CAMTA1: variants seen among roughly 807,000 people sequenced by gnomAD.
CAMTA1 encodes the protein calmodulin binding transcription activator 1.
In CAMTA1, 27 loss-of-function variants were observed where a neutral mutation model predicts 170.9. The observed-to-expected ratio is 0.16, with a 90% CI of 0.12 to 0.22. CAMTA1 has a LOEUF of 0.22. Among genes scored for constraint, CAMTA1 ranks in the 10% least tolerant of loss-of-function variants. The pLI is 1.00. For synonymous variants in CAMTA1, 833 were observed against 891.5 expected, an observed-to-expected ratio of 0.93 and a Z score of 1.17; for missense variants, 1,619 against 2,217.2, an observed-to-expected ratio of 0.73 and a Z score of 5.42.
chr1:7,464,112 AG>A (rs1178761799), intron 5 of CAMTA1, among the ~76,000 whole-genome samples: 1 of 152,174 alleles, frequency 6.6e-6, no homozygotes, highest in African/African-American at 2.4e-5. Flanking sequence ...ACTGATTCAA[AG>A]GTTGCTTTCA....
At chr1:7,320,401 G>A (rs893609565) in intron 5 of CAMTA1, among the ~76,000 whole-genome samples, 1 of 152,164 alleles carries the variant, frequency 6.6e-6, no homozygotes, top group Non-Finnish European at 1.5e-5. Context: ...GAATCAGTTG[G>A]CCATATGCTA....
At chr1:7,493,382 AACAAAC>A (rs1283812654) in intron 6 of CAMTA1, among the ~76,000 whole-genome samples, 1 of 27,492 alleles carries the variant, frequency 3.6e-5, no homozygotes, top group African/African-American at 4.1e-4. Flanking sequence ...CGCACACACA[AACAAAC>A]ACGTGCACAC....
At chr1:7,076,833 C>T (rs1405825634) in intron 3 of CAMTA1, among the ~76,000 whole-genome samples, 1 of 152,198 alleles carries the variant, frequency 6.6e-6, no homozygotes, top group Non-Finnish European at 1.5e-5. Flanking sequence ...TACTCCTCTT[C>T]AAAGCAGGGT....
At chr1:6,931,396 C>T (rs1262399317) in intron 3 of CAMTA1, among the ~76,000 whole-genome samples, 2 of 152,176 alleles carry the variant, frequency 1.3e-5, no homozygotes, top group Non-Finnish European at 2.9e-5. Flanking sequence ...TGGCGTGTGT[C>T]TCTACAGGTA....
At chr1:7,500,969 A>G (rs1557827989) in intron 6 of CAMTA1, among the ~76,000 whole-genome samples, 2 of 152,112 alleles carry the variant, frequency 1.3e-5, no homozygotes, top group Non-Finnish European at 2.9e-5. Flanking sequence ...CCAGGCCGAG[A>G]GCCATCCCCA....
At chr1:7,504,089 C>CT (rs1356853526) in intron 6 of CAMTA1, among the ~76,000 whole-genome samples, 1 of 152,200 alleles carries the variant, frequency 6.6e-6, no homozygotes, top group Non-Finnish European at 1.5e-5. Flanking sequence ...CCAAGGGCCT[C>CT]TGTGGGCAGT....
intron 6 of CAMTA1, among the ~76,000 whole-genome samples, chr1:7,493,657 G>T (rs906117391): frequency 5.1e-5 from 7 of 137,796 alleles, no homozygotes; most frequent in African/African-American, 1.4e-4. Flanking sequence ...GGGGGGGGGG[G>T]GTCAGCGGAA....
chr1:7,258,264 A>G (rs1404848720), intron 5 of CAMTA1, among the ~76,000 whole-genome samples: 1 of 152,194 alleles, frequency 6.6e-6, no homozygotes, highest in African/African-American at 2.4e-5. Context: ...CAATACATAC[A>G]ATATTTTGTA....
chr1:7,407,582 A>G (rs570914919), intron 5 of CAMTA1, among the ~76,000 whole-genome samples: 1 of 152,228 alleles, frequency 6.6e-6, no homozygotes, highest in Admixed American at 6.5e-5. Flanking sequence ...TGCAAAGGAC[A>G]TGGGTGGGTG....
At chr1:7,166,808 G>GTTT (rs148558785) in intron 4 of CAMTA1, among the ~76,000 whole-genome samples, 1 of 138,926 alleles carries the variant, frequency 7.2e-6, no homozygotes, top group African/African-American at 2.6e-5. Context: ...TTTTGATGCA[G>GTTT]TTTTTTTTTT....
chr1:7,663,308 G>A, intron 8 of CAMTA1, 45 bp from the exon 9 acceptor site: 2 of 1,513,266 alleles, frequency 1.3e-6, no homozygotes, highest in Non-Finnish European at 1.8e-6. Flanking sequence ...GTGTGCACAT[G>A]TGTGCCTGCG....
chr1:7,198,982 T>C lies in CAMTA1; in HGVS notation c.303-50509T>C, dbSNP rs565503568. ...AAGCACTTACTCCCAGTTGACATAT[T>C]GTGTGCTGGCTTGTTTGTTTTGTTT... is the stretch of plus-strand genomic sequence containing the variant. On this transcript the variant is annotated intron_variant, in intron 4 of 22. Transcript: ENST00000303635. 5.4e-4 allele frequency among the ~76,000 whole-genome samples: 82 copies of C among 152,266 alleles called. 1 individual carries two copies. The South Asian group carries it at 0.016, about 30-fold the overall frequency.
At chr1:6,802,318 C>T (rs1236867945) in intron 1 of CAMTA1, among the ~76,000 whole-genome samples, 1 of 152,164 alleles carries the variant, frequency 6.6e-6, no homozygotes, top group African/African-American at 2.4e-5. Context: ...TTCTATGGCT[C>T]AGTACAAAAA....
intron 7 of CAMTA1, among the ~76,000 whole-genome samples, chr1:7,659,143 C>T (rs2095931851): frequency 6.6e-6 from 1 of 152,180 alleles, no homozygotes; most frequent in Admixed American, 6.5e-5. Flanking sequence ...AGGGAGCGGA[C>T]ACCCGGGTCA....
At chr1:7,211,671 G>C (rs2149072766) in intron 4 of CAMTA1, among the ~76,000 whole-genome samples, 1 of 152,232 alleles carries the variant, frequency 6.6e-6, no homozygotes, top group East Asian at 1.9e-4. Flanking sequence ...CCAACCCTGG[G>C]ATTAGCTCAA....
chr1:7,143,999 T>G (rs2148634992), intron 4 of CAMTA1, among the ~76,000 whole-genome samples: 1 of 152,350 alleles, frequency 6.6e-6, no homozygotes, highest in African/African-American at 2.4e-5. Context: ...CTCTGTTGTT[T>G]GAGATACACC....
chr1:7,530,711 A>G (rs1156509599), intron 6 of CAMTA1, among the ~76,000 whole-genome samples: 3 of 150,590 alleles, frequency 2.0e-5, no homozygotes, highest in Admixed American at 6.6e-5. Flanking sequence ...CATTATTATT[A>G]TTATCATCTT....
intron 6 of CAMTA1, among the ~76,000 whole-genome samples, chr1:7,505,084 C>A (rs1460502019): frequency 1.3e-5 from 2 of 152,236 alleles, no homozygotes; most frequent in African/African-American, 4.8e-5. Context: ...TAGCGCACAG[C>A]CTCCTTCACG....
chr1:7,743,762 A>T (rs1053200116), intron 16 of CAMTA1, among the ~76,000 whole-genome samples: 1 of 152,090 alleles, frequency 6.6e-6, no homozygotes, highest in East Asian at 1.9e-4. Context: ...GAATCAGTCC[A>T]CATCTCTGAT....
Sources: allele counts gnomAD v4.1 joint callset (sites outside exome capture counted in the v4.1 genomes callset), GRCh38; gene constraint gnomAD v4.1.1; transcripts MANE v1.5; gene names NCBI Gene and HGNC (gene_info 2026-07-23, HGNC 2026-07-21).